The following DEDD2 variants were observed in gnomAD, a reference collection of about 807,000 sequenced individuals.
DEDD2 encodes death effector domain containing 2, also known as DNA-binding death effector domain-containing protein 2.
A neutral mutation model predicts 28.9 loss-of-function variants in DEDD2; 18 were observed. That is an observed-to-expected ratio of 0.62 (90% CI 0.43 to 0.92). DEDD2 has a LOEUF of 0.92. Among genes scored for constraint, DEDD2 ranks in the 40% least tolerant of loss-of-function variants. The pLI, the probability that DEDD2 is intolerant of heterozygous loss-of-function variation, is 0.00. For missense variants in DEDD2, 411 were observed against 463.3 expected, an observed-to-expected ratio of 0.89 and a Z score of 1.04; for synonymous variants, 211 against 206.1, an observed-to-expected ratio of 1.02 and a Z score of -0.20.
chr19:42,211,448 G>A (rs1022192508), intron 3 of DEDD2, among the ~76,000 whole-genome samples: 3 of 142,554 alleles, frequency 2.1e-5, no homozygotes, highest in East Asian at 4.6e-4. Flanking sequence ...AGGGAGGGAG[G>A]GAAGGAGGAA....
chr19:42,202,478 C>G lies in DEDD2; in HGVS notation c.590-2649G>C, dbSNP rs551296647. On this transcript the variant is annotated intron_variant, in intron 4 of 4. Transcript: ENST00000596251. ...AGCTCGTCCTTCTCCCCAGCATGGA[C>G]CTCTGGTATAAGTTCTCAATCCACC... Among the ~76,000 whole-genome samples, 24 of 152,326 alleles carry G rather than the reference C, an allele frequency of 1.6e-4. No individual in the cohort carries two copies. In the South Asian group the frequency reaches 2.7e-3, roughly 17 times the overall value.
chr19:42,211,212 C>T (rs2035747254), intron 3 of DEDD2, among the ~76,000 whole-genome samples: 1 of 151,966 alleles, frequency 6.6e-6, no homozygotes, highest in East Asian at 1.9e-4. Flanking sequence ...AAACCCGTCT[C>T]TATTAAAATA....
chr19:42,217,151 C>T lies in DEDD2; in HGVS notation c.-38-106G>A, dbSNP rs569204962. On this transcript the variant is annotated intron_variant, in intron 1 of 4. Transcript: ENST00000596251. ...CCCAATCGCGCCGGGCAGGGCCGCT[C>T]CCGCACCCCCAACCGCCTCGGCCTC... 3 of 826,912 alleles carry T rather than the reference C, an allele frequency of 3.6e-6. No homozygotes were observed. In the East Asian group the frequency reaches 8.1e-5, roughly 22 times the overall value. 51.2% of individuals were successfully genotyped at this position (826,912 alleles called of 1,614,324 possible).
chr19:42,218,230 G>GC (rs545812210), upstream of DEDD2, among the ~76,000 whole-genome samples: 41 of 140,798 alleles, frequency 2.9e-4, no homozygotes, highest in Non-Finnish European at 5.3e-4. Flanking sequence ...TGGAAATCCC[G>GC]CCCCCCCACC....
chr19:42,216,427 C>G (rs939259863), intron 2 of DEDD2, among the ~76,000 whole-genome samples: 3 of 152,238 alleles, frequency 2.0e-5, no homozygotes, highest in Admixed American at 2.0e-4. Flanking sequence ...ATATGAAGGG[C>G]TGACAGCTGT....
chr19:42,212,163 C>T (rs992853147), intron 3 of DEDD2, among the ~76,000 whole-genome samples: 7 of 152,034 alleles, frequency 4.6e-5, no homozygotes, highest in Non-Finnish European at 7.4e-5. Flanking sequence ...GTCAGGAGTT[C>T]GAGACTAGCC....
chr19:42,207,323 G>C (rs148735015), intron 4 of DEDD2, among the ~76,000 whole-genome samples: 2 of 152,184 alleles, frequency 1.3e-5, no homozygotes, highest in African/African-American at 4.8e-5. Flanking sequence ...GCAGGTGCGC[G>C]TGCTTTGTGG....
rs999338374 is a variant in DEDD2 at position 42,199,938 on chromosome 19, C to A, written c.590-109G>T. 6 of 1,446,788 alleles carry A rather than the reference C, an allele frequency of 4.1e-6. No homozygotes were observed. The highest frequency in any genetic ancestry group is 5.5e-6 in the Non-Finnish European group (6 of 1,089,854). 89.6% of individuals were successfully genotyped at this position (1,446,788 alleles called of 1,614,324 possible). A position where few individuals can be genotyped will look rare whatever the true frequency, so the allele number is the denominator to read the frequency against. On this transcript the variant is annotated intron_variant, in intron 4 of 4. Transcript: ENST00000596251. This position sits in a 1 kb window ranked among gnomAD's most constrained non-coding sequence, Gnocchi z 7.4. ...TTCTCCCTCCACCCCCTTCCGGTAG[C>A]CACACCCTAGTCCTGACACAGCCTC...
At chr19:42,217,730 C>T (rs953836801), upstream of DEDD2, 1 of 152,496 alleles carries the variant, frequency 6.6e-6, no homozygotes, top group East Asian at 1.9e-4. Context: ...TCACCTCGCC[C>T]CTCCTCCTTC....
chr19:42,214,068 CA>C (rs757780347), intron 3 of DEDD2, among the ~76,000 whole-genome samples: 1 of 152,124 alleles, frequency 6.6e-6, no homozygotes, highest in Non-Finnish European at 1.5e-5. Flanking sequence ...ACACATAAAG[CA>C]AAAGTAGCAA....
rs965534288 is a variant in DEDD2 at position 42,217,260 on chromosome 19, A to G, written c.-38-215T>C. ...CGGAGCCCGCTCGGCTTCTGCCCCCACCACCGTGCTACGTTCGGAGCTCGC... is the reference window on the plus strand; with the variant it reads ...CGGAGCCCGCTCGGCTTCTGCCCCCGCCACCGTGCTACGTTCGGAGCTCGC... On this transcript the variant is annotated intron_variant, in intron 1 of 4. Coordinates refer to ENST00000596251, the MANE Select transcript of DEDD2 (RefSeq NM_133328.4). Among the ~76,000 whole-genome samples, 10 of 151,532 alleles carry G rather than the reference A, an allele frequency of 6.6e-5. No individual in the cohort carries two copies. In the East Asian group the frequency reaches 2.0e-3, roughly 30 times the overall value.
chr19:42,204,758 C>T (rs377360573), intron 4 of DEDD2, among the ~76,000 whole-genome samples: 19 of 150,900 alleles, frequency 1.3e-4, no homozygotes, highest in African/African-American at 4.1e-4. Flanking sequence ...ACCCCACCCC[C>T]GCCCCGCCCC....
chr19:42,217,864 C>CT (rs1439350802), upstream of DEDD2: 1 of 152,328 alleles, frequency 6.6e-6, no homozygotes, highest in Non-Finnish European at 1.5e-5. Flanking sequence ...TTCGCGAGTG[C>CT]TGCGCTTGCG....
chr19:42,215,892 T>C (rs2035948147), intron 2 of DEDD2, among the ~76,000 whole-genome samples: 1 of 152,176 alleles, frequency 6.6e-6, no homozygotes, highest in South Asian at 2.1e-4. Context: ...TGGGGACAAG[T>C]TGGCTAGGTT....
chr19:42,211,152 GC>G (rs1003109574), intron 3 of DEDD2, among the ~76,000 whole-genome samples: 4 of 151,654 alleles, frequency 2.6e-5, no homozygotes, highest in African/African-American at 9.7e-5. Flanking sequence ...TGTAATCCCA[GC>G]CTACGCCCTA....
intron 1 of DEDD2, 21 bp from the exon 2 acceptor site, chr19:42,217,066 AG>A: frequency 6.6e-7 from 1 of 1,507,262 alleles, no homozygotes; most frequent in Non-Finnish European, 9.0e-7. Context: ...CACAGCGGGG[AG>A]GGGGCAGTGG....
upstream of DEDD2, among the ~76,000 whole-genome samples, chr19:42,218,391 A>C (rs1213324112): frequency 1.3e-5 from 2 of 151,978 alleles, no homozygotes; most frequent in Non-Finnish European, 2.9e-5. Flanking sequence ...CCCCCATCAC[A>C]GTCAGATGTC....
Position 42,199,386 on chromosome 19 carries a change from G to A in DEDD2, c.*52C>T. On this transcript the variant is annotated 3_prime_UTR_variant, in exon 5 of 5. Transcript: ENST00000596251. The surrounding 1 kb of genome is among the most constrained non-coding windows in gnomAD (Gnocchi z 7.4). ...AGGGGTAGAGATGGTCGTCCTCCCA[G>A]GAGAAGGTGGCCCGGAGACTTGGAG... 3 of 1,500,366 alleles carry A rather than the reference G, an allele frequency of 2.0e-6. No homozygotes were observed. The allele number at this position is 1,500,366 out of a possible 1,614,324, so 92.9% of individuals were successfully genotyped here.
Position 42,199,985 on chromosome 19 carries a change from G to C in DEDD2, c.590-156C>G, listed in dbSNP as rs2035267848. ...CCTCCCCGGCTCTGTGGGGTTCCCTGACCAAGTACGTCCTCCTCTTCTCCA... is the reference window on the plus strand; with the variant it reads ...CCTCCCCGGCTCTGTGGGGTTCCCTCACCAAGTACGTCCTCCTCTTCTCCA... On this transcript the variant is annotated intron_variant, in intron 4 of 4. Transcript: ENST00000596251. The surrounding 1 kb of genome is among the most constrained non-coding windows in gnomAD (Gnocchi z 7.4). Among the ~76,000 whole-genome samples the C allele has an allele frequency of 6.6e-6, 1 of 152,134 alleles. No homozygotes were observed. The highest frequency in any genetic ancestry group is 1.5e-5 in the Non-Finnish European group (1 of 68,020).
Sources: gnomAD v4.1 joint callset for allele counts (sites outside exome capture counted in the v4.1 genomes callset) on GRCh38, gnomAD v4.1.1 for gene constraint, Gnocchi (gnomAD v3.1) non-coding constraint, MANE v1.5 for transcripts, NCBI Gene and HGNC (gene_info 2026-07-23, HGNC 2026-07-21) for gene names.